MTAP: variants seen among roughly 807,000 people sequenced by gnomAD.
MTAP encodes S-methyl-5'-thioadenosine phosphorylase.
In MTAP, 33 loss-of-function variants were observed where a neutral mutation model predicts 33.6. The ratio of observed to expected loss-of-function variants is 0.98; its 90% CI spans 0.74 to 1.31. The LOEUF is 1.31. Ranked by LOEUF, MTAP falls within the 40% of genes most tolerant of loss-of-function variation. The probability of loss-of-function intolerance (pLI) is 0.00; values close to 1 mark genes in which losing one functional copy is unlikely to be tolerated. For missense variants in MTAP, 367 were observed against 360.0 expected, an observed-to-expected ratio of 1.02 and a Z score of -0.16; for synonymous variants, 148 against 125.7, an observed-to-expected ratio of 1.18 and a Z score of -1.19.
intron 1 of MTAP, among the ~76,000 whole-genome samples, chr9:21,812,757 G>A (rs148588526): frequency 1.3e-5 from 2 of 152,226 alleles, no homozygotes; most frequent in Non-Finnish European, 2.9e-5. Context: ...ATAACATGGA[G>A]ACAAATAACT....
rs1354508036 is a variant in MTAP, at chr9:21,880,765, A to G, written c.147+25895A>G. Among the ~76,000 whole-genome samples the G allele has an allele frequency of 2.6e-5, 4 of 152,128 alleles. No homozygotes were observed. The East Asian group carries it at 7.7e-4, about 29-fold the overall frequency. ...ACATTGCTGAAAGAAATAAGACACA[A>G]ATAAATGGAAAGACATTTTATGTTC... On this transcript the variant is annotated intron_variant, in intron 1 of 1. Coordinates refer to the MTAP transcript ENST00000577563.
In MTAP at chr9:21,807,392, A is replaced by T. The variant is rs567292104; in HGVS notation, c.33+4611A>T. Among the ~76,000 whole-genome samples, 60 of 152,272 alleles carry T rather than the reference A, an allele frequency of 3.9e-4. No individual in the cohort carries two copies. In the South Asian group the frequency reaches 1.0e-2, roughly 25 times the overall value. On this transcript the variant is annotated intron_variant, in intron 1 of 7. Coordinates refer to ENST00000644715, the MANE Select transcript of MTAP (RefSeq NM_002451.4). Reference sequence around the variant, plus strand: ...CTGAGAGTCCTTGTGTGGCTATCTGAAACTGAGGACAACCTGCAGGCCCCA... The same window carrying T: ...CTGAGAGTCCTTGTGTGGCTATCTGTAACTGAGGACAACCTGCAGGCCCCA...
intron 1 of MTAP, among the ~76,000 whole-genome samples, chr9:21,815,218 T>TATA (rs1824446075): frequency 6.6e-6 from 1 of 152,210 alleles, no homozygotes; most frequent in Non-Finnish European, 1.5e-5. Context: ...TTTTGGTTAC[T>TATA]TATAGAATAT....
chr9:21,908,647 C>G (rs986529377), intron 1 of MTAP, among the ~76,000 whole-genome samples: 5 of 152,178 alleles, frequency 3.3e-5, no homozygotes, highest in Non-Finnish European at 7.4e-5. Flanking sequence ...TGACTTAACA[C>G]TGACATTTTT....
intron 1 of MTAP, among the ~76,000 whole-genome samples, chr9:21,921,098 T>A (rs1204662418): frequency 6.6e-6 from 1 of 152,100 alleles, no homozygotes; most frequent in African/African-American, 2.4e-5. Flanking sequence ...TTCAAGTTAT[T>A]TTTTTCTTTA....
At chr9:21,935,329 G>A (rs1036184579), downstream of MTAP, 2 of 151,918 alleles carry the variant, frequency 1.3e-5, no homozygotes, top group African/African-American at 2.4e-5. Context: ...AGTATAAACA[G>A]TTTATTTGGG....
intron 4 of MTAP, among the ~76,000 whole-genome samples, chr9:21,821,282 A>G (rs10965148): frequency 0.44 from 67,602 of 151,972 alleles, 15,201 homozygotes; most frequent in African/African-American, 0.48. Flanking sequence ...AGCTCTTATT[A>G]TTTTGAGCTA....
intron 1 of MTAP, among the ~76,000 whole-genome samples, chr9:21,880,036 T>G (rs973433343): frequency 5.9e-5 from 9 of 152,284 alleles, no homozygotes; most frequent in East Asian, 5.8e-4. Context: ...TGTAAAATCT[T>G]GCAAGAGTTC....
At chr9:21,873,660 T>A (rs565668272) in intron 1 of MTAP, among the ~76,000 whole-genome samples, 2 of 133,608 alleles carry the variant, frequency 1.5e-5, no homozygotes, top group South Asian at 4.8e-4. Context: ...TTTAAGTTAC[T>A]CAGTCTAAGA....
chr9:21,938,608 ATCAG>A (rs1190599499), downstream of MTAP, among the ~76,000 whole-genome samples: 1 of 152,152 alleles, frequency 6.6e-6, no homozygotes, highest in African/African-American at 2.4e-5. Flanking sequence ...CTGATATGTT[ATCAG>A]TCATAATTTT....
Position 21,826,713 on chromosome 9 carries a change from C to T in MTAP, c.347+8511C>T, listed in dbSNP as rs530364322. Among the ~76,000 whole-genome samples the T allele has an allele frequency of 4.6e-5, 7 of 151,690 alleles. No homozygotes were observed. In the South Asian group the frequency reaches 1.5e-3, roughly 32 times the overall value. On this transcript the variant is annotated intron_variant, in intron 4 of 7. Transcript: ENST00000644715. ...CCAAAAAAACAACAATAATAGACTG[C>T]CAAATTTTTGGACCTTTTCTGCATT... is the stretch of plus-strand genomic sequence containing the variant.
chr9:21,825,811 A>T (rs1824781665), intron 4 of MTAP, among the ~76,000 whole-genome samples: 1 of 152,208 alleles, frequency 6.6e-6, no homozygotes, highest in African/African-American at 2.4e-5. Flanking sequence ...ACTACACTCC[A>T]GCCTGGGTGA....
chr9:21,864,856 C>T lies in MTAP; in HGVS notation c.*2842C>T. On this transcript the variant is annotated 3_prime_UTR_variant, in exon 8 of 8. Coordinates refer to ENST00000644715, the MANE Select transcript of MTAP (RefSeq NM_002451.4). ...GATGCTCCTGGAGCCTCTTCTCTGG[C>T]TGCTACCTCAGGGCATGGTTGTGGC... The T allele has an allele frequency of 1.0e-6, 1 of 985,502 alleles. No homozygotes were observed. Among genetic ancestry groups the T allele is most frequent in the Non-Finnish European group, 1.2e-6 (1 of 829,960 alleles). 61.0% of individuals were successfully genotyped at this position (985,502 alleles called of 1,614,324 possible). A position where few individuals can be genotyped will look rare whatever the true frequency, so the allele number is the denominator to read the frequency against.
At position 21,914,786 on chromosome 9, in the gene MTAP, A is replaced by AC. The variant is rs542179198; in HGVS notation, c.148-16222_148-16221insC. Among the ~76,000 whole-genome samples the AC allele has an allele frequency of 1.2e-4, 18 of 149,088 alleles. No individual in the cohort carries two copies. In the East Asian group the frequency reaches 2.2e-3, roughly 18 times the overall value. On this transcript the variant is annotated intron_variant, in intron 1 of 1. Transcript: ENST00000577563. The stretch of plus-strand genomic sequence containing the variant: ...CCCTGGAACTTAAAGTATAATAATA[A>AC]AAAAAAAATAATAAACAAATGGTAT...
chr9:21,829,129 T>A lies in MTAP; in HGVS notation c.348-8779T>A, dbSNP rs184025056. Among the ~76,000 whole-genome samples, 671 of 152,338 alleles carry A rather than the reference T, an allele frequency of 4.4e-3. 5 individuals are homozygous for A. The highest frequency in any genetic ancestry group is 0.015 in the African/African-American group (637 of 41,574). Reference sequence around the variant, plus strand: ...TTGGTGTATTGAGACGGGCATCTCCTACCTCCACTTGCTGATGGCATCAGA... The same window carrying A: ...TTGGTGTATTGAGACGGGCATCTCCAACCTCCACTTGCTGATGGCATCAGA... On this transcript the variant is annotated intron_variant, in intron 4 of 7. Transcript: ENST00000644715.
intron 4 of MTAP, among the ~76,000 whole-genome samples, chr9:21,827,598 C>T (rs1824855087): frequency 6.6e-6 from 1 of 152,140 alleles, no homozygotes; most frequent in Non-Finnish European, 1.5e-5. Flanking sequence ...TGTATTTATA[C>T]CTGACATTAT....
intron 1 of MTAP, among the ~76,000 whole-genome samples, chr9:21,888,665 T>C (rs560554778): frequency 6.6e-6 from 1 of 152,118 alleles, no homozygotes; most frequent in Non-Finnish European, 1.5e-5. Context: ...TCCATTTGCA[T>C]GGAATATCTT....
intron 5 of MTAP, among the ~76,000 whole-genome samples, chr9:21,849,255 C>T (rs1032744755): frequency 1.3e-4 from 20 of 152,200 alleles, no homozygotes; most frequent in African/African-American, 3.4e-4. Context: ...AGGAGACCTC[C>T]GACCTTTTAC....
chr9:21,935,043 T>G (rs909203881), downstream of MTAP: 19 of 152,162 alleles, frequency 1.2e-4, no homozygotes, highest in Admixed American at 1.2e-3. Flanking sequence ...TTGGCTAACA[T>G]ACATATGCTG....
Sources: allele counts gnomAD v4.1 joint callset (sites outside exome capture counted in the v4.1 genomes callset), GRCh38; gene constraint gnomAD v4.1.1; transcripts MANE v1.5; gene names NCBI Gene and HGNC (gene_info 2026-07-23, HGNC 2026-07-21).